The following GIPR variants were observed in gnomAD, a reference collection of about 807,000 sequenced individuals.
GIPR encodes gastric inhibitory polypeptide receptor, also known as GIP-R.
In GIPR, 74 loss-of-function variants were observed where a neutral mutation model predicts 62.2. The ratio of observed to expected loss-of-function variants is 1.19; its 90% CI spans 0.99 to 1.44. The LOEUF (loss-of-function observed/expected upper bound fraction) is 1.44, where lower values mean the gene tolerates loss of function less well. Among genes scored for constraint, GIPR ranks in the 40% most tolerant of loss-of-function variants. The probability of loss-of-function intolerance (pLI) is 0.00; values close to 1 mark genes in which losing one functional copy is unlikely to be tolerated. For synonymous variants in GIPR, 256 were observed against 262.2 expected (o/e 0.98, Z 0.23); for missense variants, 664 against 611.8 (o/e 1.09, Z -0.90).
In GIPR at chr19:45,681,854, C is replaced by A. The variant is rs932768710; in HGVS notation, c.1320C>A (p.Val440=). 6.4e-7 allele frequency: 1 copy of A among 1,554,258 alleles called. No individual in the cohort carries two copies. Among genetic ancestry groups the A allele is most frequent in the South Asian group, 1.2e-5 (1 of 84,300 alleles). ...CCTCCGGCTCCGGCCCGGGCGAGGT[C>A]CCCACCAGCCGCGGCTTGTCCTCGG... ...ALPSGSGPGE[V]PTSRGLSSGT... is the part of the protein sequence containing the mutation. Residue 440 remains valine (V), a synonymous_variant, in exon 14 of 14, where the codon GTC becomes GTA. Transcript: ENST00000590918.
In GIPR at chr19:45,679,450, C is replaced by A. The variant is rs180723899; in HGVS notation, c.1152+1224C>A. Among the ~76,000 whole-genome samples, 298 of 148,258 alleles carry A rather than the reference C, an allele frequency of 2.0e-3. 1 individual carries two copies. Among genetic ancestry groups the A allele is most frequent in the African/African-American group, 6.8e-3 (278 of 40,610 alleles). ...TGAGCCGAGATCACGCCACTGCACTCCAGCCTGGCCACAGAGGGAGATCAT... is the reference window on the plus strand; with the variant it reads ...TGAGCCGAGATCACGCCACTGCACTACAGCCTGGCCACAGAGGGAGATCAT... On this transcript the variant is annotated intron_variant, in intron 12 of 13. Coordinates refer to ENST00000590918, the MANE Select transcript of GIPR (RefSeq NM_000164.4).
At position 45,669,590 on chromosome 19, in the gene GIPR, G is replaced by C; in HGVS notation, c.70G>C (p.Glu24Gln). 2 of 1,578,658 alleles carry C rather than the reference G, an allele frequency of 1.3e-6. No individual in the cohort carries two copies. Among genetic ancestry groups the C allele is most frequent in the South Asian group, 2.3e-5 (2 of 86,756 alleles). ...SLCGLLLQRA[E>Q]TGSKGQTAGE... ...GTGCGGGCTGCTGCTCCAGAGGGCG[G>C]AGGTGAGGAAGCGAGGAGCCAGAGG... The change falls in exon 2 of 14, where the codon GAG (glutamate) becomes CAG (glutamine). Residue 24 changes from glutamate (E) to glutamine (Q), a missense_variant and splice_region_variant. Transcript: ENST00000590918.
rs1967227507 is a variant in GIPR at position 45,681,586 on chromosome 19, C to T, written c.1153-18C>T. On this transcript the variant is annotated intron_variant, in intron 12 of 13. Transcript: ENST00000590918. ...CTGCCCCCACCAGCGATGTAACCTC[C>T]GCGCCTCCTCTGGGCAGGGCTTCCT... The T allele has an allele frequency of 1.2e-6, 2 of 1,612,772 alleles. No individual in the cohort carries two copies. The highest frequency in any genetic ancestry group is 1.7e-6 in the Non-Finnish European group (2 of 1,179,194).
In GIPR at chr19:45,672,856, G is replaced by T. The variant is rs537402656; in HGVS notation, c.286G>T (p.Ala96Ser). The T allele has an allele frequency of 6.2e-7, 1 of 1,604,796 alleles. No individual in the cohort carries two copies. Among genetic ancestry groups the T allele is most frequent in the East Asian group, 2.2e-5 (1 of 44,820 alleles). Residue 96 changes from alanine to serine, a missense_variant, in exon 5 of 14, where the codon GCA (alanine) becomes TCA (serine). Coordinates refer to ENST00000590918, the MANE Select transcript of GIPR (RefSeq NM_000164.4). Reference protein sequence around the residue: ...WYLPWHHHVAAGFVLRQCGSD... With the variant: ...WYLPWHHHVASGFVLRQCGSD... ...CCTCTCTTCTTTCCCCACAGTGGCT[G>T]CAGGTTTCGTCCTCCGCCAGTGTGG...
At chr19:45,673,419 CAAAAAAA>C (rs71175203) in intron 5 of GIPR, among the ~76,000 whole-genome samples, 3 of 82,736 alleles carry the variant, frequency 3.6e-5, no homozygotes. Context: ...GACTCCATCT[CAAAAAAA>C]AAAAAAAAAA....
chr19:45,676,182 G>A lies in GIPR; in HGVS notation c.634-767G>A, dbSNP rs553407670. Reference sequence around the variant, plus strand: ...CGTGCCATTGCGCTCCAGCCTGGGCGACAGAGCAAGGCTCCGTCTAAAAAA... The same window carrying A: ...CGTGCCATTGCGCTCCAGCCTGGGCAACAGAGCAAGGCTCCGTCTAAAAAA... On this transcript the variant is annotated intron_variant, in intron 7 of 13. Transcript: ENST00000590918. 3.1e-3 allele frequency among the ~76,000 whole-genome samples: 456 copies of A among 146,284 alleles called. 7 individuals are homozygous for A. The highest frequency in any genetic ancestry group is 2.5e-3 in the Non-Finnish European group (165 of 66,916).
intron 12 of GIPR, 181 bp downstream of exon 12, chr19:45,678,407 A>T (rs952906115): frequency 1.3e-6 from 1 of 758,984 alleles, no homozygotes; most frequent in African/African-American, 1.7e-5. Context: ...CCTGTCGCCC[A>T]GGCTGGAGTA....
rs767395862 is a variant in GIPR, at chr19:45,677,708, A to T, written c.855-2A>T. ...CTCTTAGCTCTACTCCGCCTTCCCC[A>T]GGTGCTGGGAGCGCAACGAAGTCAA... On this transcript the variant is annotated splice_acceptor_variant, in intron 9 of 13. Coordinates refer to ENST00000590918, the MANE Select transcript of GIPR (RefSeq NM_000164.4). LOFTEE classifies it high-confidence loss of function. 3 of 1,610,994 alleles carry T rather than the reference A, an allele frequency of 1.9e-6. No homozygotes were observed. Among genetic ancestry groups the T allele is most frequent in the East Asian group, 2.2e-5 (1 of 44,814 alleles).
intron 4 of GIPR, among the ~76,000 whole-genome samples, chr19:45,671,764 G>T (rs1975551837): frequency 6.7e-6 from 1 of 149,778 alleles, no homozygotes; most frequent in African/African-American, 2.5e-5. Context: ...ACAGGCGCGC[G>T]CCACCACACC....
Position 45,674,737 on chromosome 19 carries a change from C to T in GIPR, c.544C>T (p.Leu182=). The T allele has an allele frequency of 1.2e-6, 2 of 1,614,012 alleles. No individual in the cohort carries two copies. Among genetic ancestry groups the T allele is most frequent in the Non-Finnish European group, 1.7e-6 (2 of 1,179,916 alleles). The part of the protein sequence containing the change: ...IHINLFTSFM[L]RAAAILSRDR... ...CATCAACCTGTTCACGTCTTTCATG[C>T]TGCGAGCTGCGGCCATTCTCAGCCG... Residue 182 remains leucine (L), a synonymous_variant, in exon 7 of 14, where the codon CTG becomes TTG. Coordinates refer to ENST00000590918, the MANE Select transcript of GIPR (RefSeq NM_000164.4).
rs1041279189 is a variant in GIPR, at chr19:45,677,353, T to C, written c.824T>C (p.Val275Ala). 7 of 1,601,344 alleles carry C rather than the reference T, an allele frequency of 4.4e-6. No homozygotes were observed. In the African/African-American group the frequency reaches 8.1e-5, roughly 18 times the overall value. ...CCCGCGCTTTTCGTCATTCCCTGGGTGATCGTCAGGTACCTGTACGAGAAC... is the reference window on the plus strand; with the variant it reads ...CCCGCGCTTTTCGTCATTCCCTGGGCGATCGTCAGGTACCTGTACGAGAAC... Reference protein sequence around the residue: ...GAPALFVIPWVIVRYLYENTQ... With the variant: ...GAPALFVIPWAIVRYLYENTQ... Residue 275 changes from valine to alanine, a missense_variant, in exon 9 of 14, where the codon GTG becomes GCG. Transcript: ENST00000590918.
chr19:45,678,056 G>A, intron 11 of GIPR, 32 bp from the exon 12 acceptor site: 3 of 1,611,780 alleles, frequency 1.9e-6, no homozygotes, highest in Non-Finnish European at 2.5e-6. Flanking sequence ...AACCAGGGCT[G>A]CGGGATCACT....
At position 45,676,424 on chromosome 19, in the gene GIPR, T is replaced by A. The variant is rs1324747814; in HGVS notation, c.634-525T>A. 1.5e-4 allele frequency among the ~76,000 whole-genome samples: 20 copies of A among 132,824 alleles called. No individual in the cohort carries two copies. The East Asian group carries it at 4.4e-3, about 29-fold the overall frequency. The allele number at this position is 132,824 out of a possible 152,430, so 87.1% of individuals were successfully genotyped here. The stretch of plus-strand genomic sequence containing the variant: ...TGAGATGGAGTCTCAAAAAAGAAGC[T>A]GATTTTTTTTTTTTTTTTTTTTTTT... On this transcript the variant is annotated intron_variant, in intron 7 of 13. Coordinates refer to ENST00000590918, the MANE Select transcript of GIPR (RefSeq NM_000164.4).
At chr19:45,669,956 G>C (rs73054338) in intron 2 of GIPR, among the ~76,000 whole-genome samples, 12 of 148,862 alleles carry the variant, frequency 8.1e-5, no homozygotes, top group South Asian at 2.1e-4. Context: ...CTCGGGGTGG[G>C]GGGGGGAGGC....
Position 45,670,650 on chromosome 19 carries a change from C to T in GIPR, c.88C>T (p.Gln30Ter), listed in dbSNP as rs1194979043. 3.7e-6 allele frequency: 6 copies of T among 1,612,856 alleles called. No individual in the cohort carries two copies. The South Asian group carries it at 4.4e-5, about 12-fold the overall frequency. Residue 30 changes from glutamine to a stop codon, truncating the protein, a stop_gained, in exon 3 of 14, where the codon CAG (glutamine) becomes TAG (stop). Transcript: ENST00000590918. LOFTEE classifies it high-confidence loss of function. ...LQRAETGSKG[Q>*]TAGELYQRWE... Reference sequence around the variant, plus strand: ...CTTTTCCTAGACAGGCTCTAAGGGGCAGACGGCGGGGGAGCTGTACCAGCG... The same window carrying T: ...CTTTTCCTAGACAGGCTCTAAGGGGTAGACGGCGGGGGAGCTGTACCAGCG...
intron 12 of GIPR, 75 bp downstream of exon 12, chr19:45,678,301 C>A: frequency 2.0e-6 from 3 of 1,476,222 alleles, no homozygotes; most frequent in South Asian, 2.4e-5. Flanking sequence ...AAGCTACAGT[C>A]GTTCTCTGGT....
At position 45,677,138 on chromosome 19, in the gene GIPR, C is replaced by A. The variant is rs752894812; in HGVS notation, c.793+30C>A. 7 of 1,609,684 alleles carry A rather than the reference C, an allele frequency of 4.3e-6. No homozygotes were observed. The Admixed American group carries it at 6.7e-5, about 15-fold the overall frequency. On this transcript the variant is annotated intron_variant, in intron 8 of 13. Transcript: ENST00000590918. ...GCTCCGATCCCGTCCCCCGCCCAACCCAGCGCGCCTCTCCTCGGCTCCCCC... is the reference window on the plus strand; with the variant it reads ...GCTCCGATCCCGTCCCCCGCCCAACACAGCGCGCCTCTCCTCGGCTCCCCC...
chr19:45,671,901 C>A (rs1490720877), intron 4 of GIPR, among the ~76,000 whole-genome samples: 1 of 152,014 alleles, frequency 6.6e-6, no homozygotes, highest in Non-Finnish European at 1.5e-5. Flanking sequence ...GGATTACAGG[C>A]ATGAGCCACC....
chr19:45,669,032 CT>C (rs1320416238), intron 1 of GIPR, among the ~76,000 whole-genome samples: 1 of 152,078 alleles, frequency 6.6e-6, no homozygotes, highest in Non-Finnish European at 1.5e-5. Context: ...TACTGAAAAC[CT>C]TCAAGTTTTT....
Sources: allele counts gnomAD v4.1 joint callset (sites outside exome capture counted in the v4.1 genomes callset), GRCh38; gene constraint gnomAD v4.1.1; transcripts MANE v1.5; gene names NCBI Gene and HGNC (gene_info 2026-07-23, HGNC 2026-07-21).